Variants in VRTN observed in about 807,000 individuals in gnomAD.
VRTN encodes vertebrae development associated, also known as vertnin.
VRTN carries 5 observed loss-of-function variants against 18.2 expected under a neutral mutation model. The ratio of observed to expected loss-of-function variants is 0.27; its 90% CI spans 0.14 to 0.58. The LOEUF is 0.58. VRTN is among the 20% of genes least tolerant of loss of function. VRTN has a pLI of 0.91. For missense variants in VRTN, 741 were observed against 939.4 expected (o/e 0.79, Z 2.76); for synonymous variants, 381 against 393.7 (o/e 0.97, Z 0.38).
Position 74,358,712 on chromosome 14 carries a change from G to A in VRTN, c.1929G>A (p.Met643Ile). The stretch of plus-strand genomic sequence containing the variant: ...GCAGGGATGGCCGGATGCTGGTGAT[G>A]GACATGATCGCTACCACGAAGTTCA... ...AGGRDGRMLV[M>I]DMIATTKFKA... The change falls in exon 2 of 2, where the codon ATG becomes ATA. Residue 643 changes from methionine (M) to isoleucine (I), a missense_variant. Met to Ile is a conservative substitution (Grantham distance 10). Transcript: ENST00000256362. The surrounding 1 kb of genome is among the most constrained non-coding windows in gnomAD (Gnocchi z 5.4). 6.2e-7 allele frequency: 1 copy of A among 1,614,208 alleles called. No homozygotes were observed. Among genetic ancestry groups the A allele is most frequent in the Non-Finnish European group, 8.5e-7 (1 of 1,180,036 alleles).
At chr14:74,319,905 G>A (rs1438543712) in intron 1 of VRTN, among the ~76,000 whole-genome samples, 1 of 152,136 alleles carries the variant, frequency 6.6e-6, no homozygotes, top group African/African-American at 2.4e-5. Context: ...GGAGGTAGGA[G>A]AACTGGACAA....
At chr14:74,330,995 C>G (rs181376741) in intron 1 of VRTN, among the ~76,000 whole-genome samples, 13 of 149,936 alleles carry the variant, frequency 8.7e-5, no homozygotes, top group Admixed American at 2.7e-4. Context: ...GTCAGGAGAT[C>G]GAGACCATCC....
In VRTN at chr14:74,333,412, C is replaced by T. The variant is rs28483185; in HGVS notation, c.-163-4311C>T. ...AAAAGAGGTGGGAGGATCACTTGAACCCGGGAGATCAAGGCTGCAGTGAGC... is the reference window on the plus strand; with the variant it reads ...AAAAGAGGTGGGAGGATCACTTGAATCCGGGAGATCAAGGCTGCAGTGAGC... On this transcript the variant is annotated intron_variant, in intron 1 of 2. Transcript: ENST00000557177. Among the ~76,000 whole-genome samples, 1,222 of 151,074 alleles carry T rather than the reference C, an allele frequency of 8.1e-3. 15 individuals carry two copies. Among genetic ancestry groups the T allele is most frequent in the African/African-American group, 0.028 (1,157 of 41,194 alleles).
intron 1 of VRTN, among the ~76,000 whole-genome samples, chr14:74,330,024 A>C (rs181473292): frequency 3.6e-4 from 55 of 151,968 alleles, no homozygotes; most frequent in African/African-American, 1.3e-3. Flanking sequence ...GGCACGTGTC[A>C]CCATGCCCGG....
rs1417250559 is a variant in VRTN, at chr14:74,353,914, G to T, written c.-1-2869G>T. The stretch of plus-strand genomic sequence containing the variant: ...ATTTTTTGTATTTTTAGTGGAGACG[G>T]GCTTTCACCATGCTAGCCAGGATGG... On this transcript the variant is annotated intron_variant, in intron 1 of 1. Transcript: ENST00000256362. Among the ~76,000 whole-genome samples, 4 of 151,954 alleles carry T rather than the reference G, an allele frequency of 2.6e-5. No homozygotes were observed. In the East Asian group the frequency reaches 7.7e-4, roughly 29 times the overall value.
Position 74,356,854 on chromosome 14 carries a change from T to G in VRTN, c.71T>G (p.Leu24Arg). 6.2e-7 allele frequency: 1 copy of G among 1,613,886 alleles called. No individual in the cohort carries two copies. The highest frequency in any genetic ancestry group is 1.7e-5 in the Admixed American group (1 of 60,014). The change falls in exon 2 of 2, where the codon CTG (leucine) becomes CGG (arginine). Residue 24 changes from leucine to arginine, a missense_variant. Leu to Arg is a moderately radical substitution (Grantham distance 102). This residue lies in a region of VRTN where 186 missense variants were observed against 288.3 expected (regional missense o/e 0.65). Coordinates refer to ENST00000256362, the MANE Select transcript of VRTN (RefSeq NM_018228.3). The stretch of plus-strand genomic sequence containing the variant: ...CAGGAAGCAGTGGAGTGCGAAGGCC[T>G]GGAGGGTCTCATAGGTGCTTCCTTG... Reference protein sequence around the residue: ...ELQEAVECEGLEGLIGASLEA... With the variant: ...ELQEAVECEGREGLIGASLEA...
chr14:74,322,321 T>C (rs2085461322), intron 1 of VRTN, among the ~76,000 whole-genome samples: 1 of 151,982 alleles, frequency 6.6e-6, no homozygotes, highest in South Asian at 2.1e-4. Context: ...AGCTAATTTT[T>C]ATATTTTTTA....
intron 1 of VRTN, among the ~76,000 whole-genome samples, chr14:74,332,062 C>G (rs10137802): frequency 0.12 from 17,842 of 151,962 alleles, 2,120 homozygotes; most frequent in African/African-American, 0.3. Flanking sequence ...TGTAGTTCTG[C>G]AAGGGCCTGA....
Position 74,359,077 on chromosome 14 carries a change from T to G in VRTN, c.*185T>G. ...CAGAGAATGCCAGAAATCAGCCATC[T>G]GGTCTCCCGTAGGAAACTGTGGGAC... On this transcript the variant is annotated 3_prime_UTR_variant, in exon 2 of 2. Transcript: ENST00000256362. 8.4e-7 allele frequency: 1 copy of G among 1,191,102 alleles called. No homozygotes were observed. The highest frequency in any genetic ancestry group is 1.1e-6 in the Non-Finnish European group (1 of 899,614). The allele number at this position is 1,191,102 out of a possible 1,614,324, so 73.8% of individuals were successfully genotyped here.
intron 1 of VRTN, among the ~76,000 whole-genome samples, chr14:74,334,126 C>T (rs76435921): frequency 0.019 from 2,850 of 152,228 alleles, 111 homozygotes; most frequent in African/African-American, 0.065. Context: ...GCCCTCAGAA[C>T]GTGAATGTTA....
chr14:74,328,257 AG>A (rs112807869), intron 1 of VRTN, among the ~76,000 whole-genome samples: 5,162 of 152,206 alleles, frequency 0.034, 158 homozygotes, highest in African/African-American at 0.076. Context: ...TAGAGCTGTC[AG>A]AGGTGGCCAT....
intron 1 of VRTN, among the ~76,000 whole-genome samples, chr14:74,349,724 A>C (rs1354056573): frequency 6.6e-6 from 1 of 152,198 alleles, no homozygotes; most frequent in African/African-American, 2.4e-5. Flanking sequence ...CTGAGACCCC[A>C]TATGCTTGAA....
intron 1 of VRTN, among the ~76,000 whole-genome samples, chr14:74,320,890 C>T (rs2085451571): frequency 7.4e-6 from 1 of 135,018 alleles, no homozygotes; most frequent in African/African-American, 2.9e-5. Flanking sequence ...GGCCAGATCC[C>T]ATCTCTTTAA....
In VRTN at chr14:74,331,542, TTTTA is replaced by T. The variant is rs1450614838; in HGVS notation, c.-163-6179_-163-6176del. Among the ~76,000 whole-genome samples, 330 of 64,882 alleles carry T rather than the reference TTTTA, an allele frequency of 5.1e-3. 3 individuals are homozygous for T. Among genetic ancestry groups the T allele is most frequent in the Non-Finnish European group, 8.4e-3 (239 of 28,554 alleles). The allele number at this position is 64,882 out of a possible 152,430, so 42.6% of individuals were successfully genotyped here. On this transcript the variant is annotated intron_variant, in intron 1 of 2. Transcript: ENST00000557177. ...AAAACTCCATCTCAAAAAAAAAAAA[TTTTA>T]TATATATATATATATATATATATAT...
chr14:74,345,573 G>A (rs979712545), upstream of VRTN, among the ~76,000 whole-genome samples: 12 of 151,650 alleles, frequency 7.9e-5, no homozygotes, highest in African/African-American at 2.7e-4. Context: ...ACACCCAGTT[G>A]CACCCTGCCT....
chr14:74,307,277 C>T (rs751746724), intron 1 of VRTN, among the ~76,000 whole-genome samples: 13 of 151,570 alleles, frequency 8.6e-5, no homozygotes, highest in Non-Finnish European at 1.6e-4. Context: ...TATAGGCACC[C>T]GCCACCACGC....
intron 1 of VRTN, among the ~76,000 whole-genome samples, chr14:74,331,583 TATATATAC>T: frequency 9.1e-6 from 1 of 110,144 alleles, no homozygotes; most frequent in African/African-American, 3.8e-5. Flanking sequence ...TATATATATA[TATATATAC>T]AAAAAAGAAA....
intron 2 of VRTN, among the ~76,000 whole-genome samples, chr14:74,340,146 C>A (rs556956356): frequency 8.4e-4 from 107 of 127,180 alleles, no homozygotes; most frequent in Middle Eastern, 6.5e-3. Context: ...GAGTTTTGCT[C>A]TTGTTGCCCA....
intron 1 of VRTN, among the ~76,000 whole-genome samples, chr14:74,331,035 TA>T (rs1157377163): frequency 6.7e-6 from 1 of 149,590 alleles, no homozygotes; most frequent in African/African-American, 2.5e-5. Context: ...CCGTCTCTAC[TA>T]AAAAAAATAC....
Sources: allele counts gnomAD v4.1 joint callset (sites outside exome capture counted in the v4.1 genomes callset), GRCh38; gene constraint gnomAD v4.1.1; regional missense constraint gnomAD v4.1.1; non-coding constraint Gnocchi (gnomAD v3.1); transcripts MANE v1.5; gene names NCBI Gene and HGNC (gene_info 2026-07-23, HGNC 2026-07-21).